KANK3: variants seen among roughly 807,000 people sequenced by gnomAD.
The protein encoded by KANK3 is KN motif and ankyrin repeat domains 3, also known as KN motif and ankyrin repeat domain-containing protein 3.
In KANK3, 61 loss-of-function variants were observed where a neutral mutation model predicts 65.4. The ratio of observed to expected loss-of-function variants is 0.93; its 90% CI spans 0.76 to 1.15. The LOEUF is 1.15. KANK3 is among the 50% of genes most tolerant of loss of function. The pLI, the probability that KANK3 is intolerant of heterozygous loss-of-function variation, is 0.00. For synonymous variants in KANK3, 586 were observed against 543.3 expected, an observed-to-expected ratio of 1.08 and a Z score of -1.09; for missense variants, 1,187 against 1,178.8, an observed-to-expected ratio of 1.01 and a Z score of -0.10.
chr19:8,340,988 G>A (rs1048841763), intron 1 of KANK3, among the ~76,000 whole-genome samples: 5 of 152,228 alleles, frequency 3.3e-5, no homozygotes, highest in African/African-American at 1.2e-4. Flanking sequence ...ACAGCTGGCC[G>A]TATGACGCAA....
chr19:8,335,319 C>T lies in KANK3; in HGVS notation c.508G>A (p.Ala170Thr). The change falls in exon 3 of 11, where the codon GCC becomes ACC. Residue 170 changes from alanine (A) to threonine (T), a missense_variant. This residue lies in a region of KANK3 where 1,078 missense variants were observed against 1,038.2 expected (regional missense o/e 1.04). Coordinates refer to ENST00000330915, the MANE Select transcript of KANK3 (RefSeq NM_198471.3). Reference protein sequence around the residue: ...SPRGSGRSSPAPNLAPASPGP... With the variant: ...SPRGSGRSSPTPNLAPASPGP... ...GGCGAAGCAGGGGCAAGGTTAGGGG[C>T]GGGGCTGCTGCGGCCGGACCCGCGT... 8.4e-7 allele frequency: 1 copy of T among 1,196,590 alleles called. No homozygotes were observed. Among genetic ancestry groups the T allele is most frequent in the Non-Finnish European group, 1.0e-6 (1 of 965,434 alleles). The allele number at this position is 1,196,590 out of a possible 1,614,324, so 74.1% of individuals were successfully genotyped here.
At chr19:8,331,285 C>G (rs140536478) in intron 7 of KANK3, among the ~76,000 whole-genome samples, 3,327 of 152,222 alleles carry the variant, frequency 0.022, 172 homozygotes, top group South Asian at 0.17. Flanking sequence ...CAGTGACCAA[C>G]GACGCCTACT....
At position 8,334,599 on chromosome 19, in the gene KANK3, C is replaced by A. The variant is rs1970593714; in HGVS notation, c.1228G>T (p.Glu410Ter). ...ATTQTPWSCAEKAAQTESPAE... is the reference protein window; with the variant it reads ...ATTQTPWSCA ...GGGGACTCGGTCTGCGCGGCCTTTT[C>A]GGCACAGCTCCACGGGGTCTGGGTG... Residue 410 changes from glutamate (E) to a stop codon, truncating the protein, a stop_gained, in exon 3 of 11, where the codon GAA becomes TAA. Coordinates refer to ENST00000330915, the MANE Select transcript of KANK3 (RefSeq NM_198471.3). LOFTEE classifies it high-confidence loss of function. The A allele has an allele frequency of 6.3e-7, 1 of 1,587,660 alleles. No homozygotes were observed. Among genetic ancestry groups the A allele is most frequent in the African/African-American group, 1.3e-5 (1 of 74,878 alleles).
intron 7 of KANK3, among the ~76,000 whole-genome samples, chr19:8,332,286 T>C (rs754099295): frequency 3.9e-5 from 6 of 152,020 alleles, no homozygotes; most frequent in African/African-American, 9.7e-5. Context: ...CAAGCAATTC[T>C]CGTGCCTCAG....
chr19:8,342,908 C>CT (rs916089796), intron 1 of KANK3, among the ~76,000 whole-genome samples: 22 of 152,080 alleles, frequency 1.4e-4, no homozygotes, highest in African/African-American at 5.1e-4. Context: ...GAGGGGCTGG[C>CT]TGGGGTCCCC....
Position 8,335,066 on chromosome 19 carries a change from A to T in KANK3, c.761T>A (p.Leu254Gln). The T allele has an allele frequency of 7.5e-7, 1 of 1,326,438 alleles. No homozygotes were observed. The highest frequency in any genetic ancestry group is 9.6e-7 in the Non-Finnish European group (1 of 1,043,676). The allele number at this position is 1,326,438 out of a possible 1,614,324, so 82.2% of individuals were successfully genotyped here. A position where few individuals can be genotyped will look rare whatever the true frequency, so the allele number is the denominator to read the frequency against. ...LAQLRRLTERLATSERGGRAR... is the reference protein window; with the variant it reads ...LAQLRRLTERQATSERGGRAR... Reference sequence around the variant, plus strand: ...ACGGCCGCCGCGCTCGGAGGTGGCCAGGCGCTCGGTGAGCCGCCGCAGCTG... The same window carrying T: ...ACGGCCGCCGCGCTCGGAGGTGGCCTGGCGCTCGGTGAGCCGCCGCAGCTG... Residue 254 changes from leucine to glutamine, a missense_variant, in exon 3 of 11, where the codon CTG becomes CAG. Leu to Gln is a moderately radical substitution (Grantham distance 113). This residue lies in a region of KANK3 where 1,078 missense variants were observed against 1,038.2 expected (regional missense o/e 1.04). Coordinates refer to ENST00000330915, the MANE Select transcript of KANK3 (RefSeq NM_198471.3).
chr19:8,336,372 G>A (rs1170299985), intron 2 of KANK3, among the ~76,000 whole-genome samples: 1 of 150,564 alleles, frequency 6.6e-6, no homozygotes, highest in East Asian at 1.9e-4. Context: ...GGTAGGCGGA[G>A]TTTGAGGTGA....
At position 8,333,965 on chromosome 19, in the gene KANK3, T is replaced by C; in HGVS notation, c.1579A>G (p.Ile527Val). The C allele has an allele frequency of 1.3e-6, 2 of 1,561,308 alleles. No homozygotes were observed. The highest frequency in any genetic ancestry group is 1.7e-6 in the Non-Finnish European group (2 of 1,157,972). The change falls in exon 5 of 11, where the codon ATC (isoleucine) becomes GTC (valine). Residue 527 changes from isoleucine (I) to valine (V), a missense_variant. Physicochemically the swap from Ile to Val is conservative, Grantham distance 29. This residue lies in a region of KANK3 where 1,078 missense variants were observed against 1,038.2 expected (regional missense o/e 1.04). Coordinates refer to ENST00000330915, the MANE Select transcript of KANK3 (RefSeq NM_198471.3). The surrounding 1 kb of genome is among the most constrained non-coding windows in gnomAD (Gnocchi z 5.0). The stretch of plus-strand genomic sequence containing the variant: ...TCCGCCTCGGGCTCAGGGTCCCGGA[T>C]GTCCCCGCCGCTGGGAGGGCCAGGG... ...GTPGPPSGGD[I>V]RDPEPEAEAE...
chr19:8,329,753 C>T (rs115388607), intron 7 of KANK3, among the ~76,000 whole-genome samples: 1,808 of 152,300 alleles, frequency 0.012, 44 homozygotes, highest in African/African-American at 0.041. Context: ...GGCAGCCTTC[C>T]TGAGCCTTGG....
At position 8,332,429 on chromosome 19, in the gene KANK3, C is replaced by T. The variant is rs1361866040; in HGVS notation, c.1936+585G>A. 4.6e-5 allele frequency among the ~76,000 whole-genome samples: 7 copies of T among 151,722 alleles called. No homozygotes were observed. In the East Asian group the frequency reaches 7.9e-4, roughly 17 times the overall value. ...CTGACCTCAAGTGATCTGCCCACCTCGGCCTCCCAAAGTGCTGGGGTTAAA... is the reference window on the plus strand; with the variant it reads ...CTGACCTCAAGTGATCTGCCCACCTTGGCCTCCCAAAGTGCTGGGGTTAAA... On this transcript the variant is annotated intron_variant, in intron 7 of 10. Coordinates refer to ENST00000330915, the MANE Select transcript of KANK3 (RefSeq NM_198471.3).
chr19:8,334,369 G>T lies in KANK3; in HGVS notation c.1378C>A (p.Pro460Thr). ...TGCAGGCTCTTGGGTCCGGAGCTGG[G>T]TTGGGCACCAGGTGTGCCGTCTCTC... ...KKRDGTPGAQPSSGPKSLQFV... is the reference protein window; with the variant it reads ...KKRDGTPGAQTSSGPKSLQFV... The change falls in exon 4 of 11, where the codon CCC becomes ACC. Residue 460 changes from proline (P) to threonine (T), a missense_variant. By Grantham distance (38) the Pro-to-Thr change is conservative. Transcript: ENST00000330915. The T allele has an allele frequency of 6.2e-7, 1 of 1,614,140 alleles. No homozygotes were observed. The highest frequency in any genetic ancestry group is 8.5e-7 in the Non-Finnish European group (1 of 1,180,018).
At position 8,324,733 on chromosome 19, in the gene KANK3, G is replaced by A. The variant is rs200719099; in HGVS notation, c.2180C>T (p.Ala727Val). ...ACACATCAGCGCTGTGGCCCCATCC[G>A]CATCCTGCGCATTCACATCAGCCCC... ...ACGADVNAQD[A>V]DGATALMCAS... Residue 727 changes from alanine to valine, a missense_variant, in exon 9 of 11, where the codon GCG (alanine) becomes GTG (valine). This residue lies in a region of KANK3 where 1,078 missense variants were observed against 1,038.2 expected (regional missense o/e 1.04). Transcript: ENST00000330915. 29 of 1,614,024 alleles carry A rather than the reference G, an allele frequency of 1.8e-5. No individual in the cohort carries two copies. The highest frequency in any genetic ancestry group is 6.6e-5 in the South Asian group (6 of 91,088).
intron 1 of KANK3, among the ~76,000 whole-genome samples, chr19:8,340,275 C>CATATATATAT (rs1555684729): frequency 1.5e-5 from 1 of 66,102 alleles, no homozygotes; most frequent in African/African-American, 6.9e-5. Context: ...AAAAAAAAAC[C>CATATATATAT]ATATATATAT....
intron 2 of KANK3, among the ~76,000 whole-genome samples, chr19:8,336,041 C>T (rs970784877): frequency 2.0e-5 from 3 of 152,124 alleles, no homozygotes; most frequent in African/African-American, 7.3e-5. Flanking sequence ...TCCTTCCAAA[C>T]GATGCCTACG....
At chr19:8,325,752 T>C (rs1311882398) in intron 7 of KANK3, among the ~76,000 whole-genome samples, 1 of 152,158 alleles carries the variant, frequency 6.6e-6, no homozygotes, top group African/African-American at 2.4e-5. Flanking sequence ...CCACCATCAT[T>C]GCTCCCCTAA....
chr19:8,325,186 C>T (rs568919007), intron 7 of KANK3, 90 bp from the exon 8 acceptor site: 3 of 1,406,716 alleles, frequency 2.1e-6, no homozygotes, highest in Middle Eastern at 2.6e-4. Flanking sequence ...GGGCACAGCA[C>T]CTGCATATGG....
chr19:8,332,252 A>G (rs954393167), intron 7 of KANK3, among the ~76,000 whole-genome samples: 1 of 151,896 alleles, frequency 6.6e-6, no homozygotes, highest in African/African-American at 2.4e-5. Flanking sequence ...ATCTCAGCTC[A>G]CTGCAACCTC....
intron 7 of KANK3, among the ~76,000 whole-genome samples, chr19:8,329,523 A>AAAAAAAAAAAAG (rs1427394985): frequency 8.7e-5 from 13 of 149,552 alleles, no homozygotes; most frequent in African/African-American, 3.0e-4. Flanking sequence ...AAAAAAGACT[A>AAAAAAAAAAAAG]ACTATAGAAT....
At chr19:8,324,868 G>A (rs1970394841) in intron 8 of KANK3, 38 bp from the exon 9 acceptor site, 4 of 1,602,540 alleles carry the variant, frequency 2.5e-6, no homozygotes, top group South Asian at 1.1e-5. Flanking sequence ...GGCTGGGGTA[G>A]GCTCAGGGAA....
Sources: gnomAD v4.1 joint callset for allele counts (sites outside exome capture counted in the v4.1 genomes callset) on GRCh38, gnomAD v4.1.1 for gene constraint, gnomAD v4.1.1 regional missense constraint, Gnocchi (gnomAD v3.1) non-coding constraint, MANE v1.5 for transcripts, NCBI Gene and HGNC (gene_info 2026-07-23, HGNC 2026-07-21) for gene names.